Variants in LRRC8D observed in about 807,000 individuals in gnomAD.
LRRC8D encodes the protein volume-regulated anion channel subunit LRRC8D.
LRRC8D carries 20 observed loss-of-function variants against 55.8 expected under a neutral mutation model. The ratio of observed to expected loss-of-function variants is 0.36; its 90% CI spans 0.25 to 0.52. The LOEUF (loss-of-function observed/expected upper bound fraction) is 0.52, where lower values mean the gene tolerates loss of function less well. Among genes scored for constraint, LRRC8D ranks in the 20% least tolerant of loss-of-function variants. The probability of loss-of-function intolerance (pLI) is 0.93; values close to 1 mark genes in which losing one functional copy is unlikely to be tolerated. For synonymous variants in LRRC8D, 352 were observed against 377.0 expected (o/e 0.93, Z 0.77); for missense variants, 651 against 1,030.8 (o/e 0.63, Z 5.05).
intron 2 of LRRC8D, among the ~76,000 whole-genome samples, chr1:89,920,350 G>A (rs1192891741): frequency 2.6e-5 from 4 of 152,120 alleles, no homozygotes; most frequent in African/African-American, 4.8e-5. Context: ...CCTTTTAAGT[G>A]TTAAATGGAT....
intron 2 of LRRC8D, among the ~76,000 whole-genome samples, chr1:89,860,190 T>C (rs998854799): frequency 6.6e-6 from 1 of 152,226 alleles, no homozygotes; most frequent in Non-Finnish European, 1.5e-5. Context: ...GGCATGCTTA[T>C]ATCCGAACCA....
At chr1:89,876,732 A>G (rs1364140863) in intron 2 of LRRC8D, among the ~76,000 whole-genome samples, 2 of 152,230 alleles carry the variant, frequency 1.3e-5, no homozygotes, top group African/African-American at 2.4e-5. Flanking sequence ...TGGTTTATGC[A>G]TTGTCTGTGG....
chr1:89,936,438 A>G lies in LRRC8D; in HGVS notation c.*793A>G, dbSNP rs1443261722. The G allele has an allele frequency of 1.3e-5, 2 of 158,678 alleles. No homozygotes were observed. The highest frequency in any genetic ancestry group is 2.9e-5 in the Non-Finnish European group (2 of 68,088). 9.8% of individuals were successfully genotyped at this position (158,678 alleles called of 1,614,324 possible). ...TAAATTTTATTACAACAAAATAAAA[A>G]TTTTAATGACTTATTAACACAACCT... On this transcript the variant is annotated 3_prime_UTR_variant, in exon 3 of 3. Transcript: ENST00000337338.
intron 1 of LRRC8D, among the ~76,000 whole-genome samples, chr1:89,837,171 A>C (rs565079404): frequency 6.6e-6 from 1 of 152,342 alleles, no homozygotes; most frequent in South Asian, 2.1e-4. Flanking sequence ...CTTGAAATCC[A>C]GGATTCTGGT....
At chr1:89,835,258 C>A (rs1660977773) in intron 1 of LRRC8D, among the ~76,000 whole-genome samples, 2 of 152,138 alleles carry the variant, frequency 1.3e-5, no homozygotes, top group Non-Finnish European at 2.9e-5. Flanking sequence ...GGCATTGGGG[C>A]ATTCTAGAGA....
At chr1:89,866,186 A>G (rs1414420286) in intron 2 of LRRC8D, among the ~76,000 whole-genome samples, 1 of 152,100 alleles carries the variant, frequency 6.6e-6, no homozygotes, top group African/African-American at 2.4e-5. Context: ...ACATTCCTTC[A>G]CTGTTTGTCA....
intron 1 of LRRC8D, among the ~76,000 whole-genome samples, chr1:89,824,122 G>C (rs927444480): frequency 6.6e-6 from 1 of 152,162 alleles, no homozygotes; most frequent in Admixed American, 6.5e-5. Context: ...GGACAGGGAT[G>C]ATACATAAGC....
intron 1 of LRRC8D, chr1:89,843,428 G>C (rs1661186923): frequency 2.8e-6 from 1 of 356,294 alleles, no homozygotes; most frequent in African/African-American, 2.1e-5. Flanking sequence ...CCAGCAGGGG[G>C]GGCCCGGGCC....
chr1:89,934,326 C>T lies in LRRC8D; in HGVS notation c.1258C>T (p.Leu420Phe). The T allele has an allele frequency of 6.2e-7, 1 of 1,613,828 alleles. No homozygotes were observed. Among genetic ancestry groups the T allele is most frequent in the Non-Finnish European group, 8.5e-7 (1 of 1,179,810 alleles). ...TGTCAAAAACGATTTTGCGTTCCTT[C>T]TTCACATGGTAGACCAGTATGACCA... is the stretch of plus-strand genomic sequence containing the variant. ...PDVKNDFAFL[L>F]HMVDQYDQLY... is the part of the protein sequence containing the mutation. Residue 420 changes from leucine to phenylalanine, a missense_variant, in exon 3 of 3, where the codon CTT becomes TTT. Around this residue, in one of 5 missense-constraint regions of LRRC8D, gnomAD observed 178 missense variants for 374.9 expected, o/e 0.47. Coordinates refer to ENST00000337338, the MANE Select transcript of LRRC8D (RefSeq NM_001134479.2). The surrounding 1 kb of genome is among the most constrained non-coding windows in gnomAD (Gnocchi z 5.9).
At position 89,843,670 on chromosome 1, in the gene LRRC8D, G is replaced by C; in HGVS notation, c.-115G>C. 2 of 702,388 alleles carry C rather than the reference G, an allele frequency of 2.8e-6. No homozygotes were observed. The highest frequency in any genetic ancestry group is 1.5e-5 in the South Asian group (1 of 67,588). The allele number at this position is 702,388 out of a possible 1,614,324, so 43.5% of individuals were successfully genotyped here. On this transcript the variant is annotated 5_prime_UTR_variant, in exon 2 of 3. Coordinates refer to ENST00000337338, the MANE Select transcript of LRRC8D (RefSeq NM_001134479.2). ...ACGGCTGTCTATAACGTGCTGCCGG[G>C]TCTCAGGATGGAGGAGTGAAGTCTC...
At chr1:89,915,990 A>G (rs1349040256) in intron 2 of LRRC8D, among the ~76,000 whole-genome samples, 1 of 152,238 alleles carries the variant, frequency 6.6e-6, no homozygotes, top group East Asian at 1.9e-4. Context: ...ACAAAAAAAG[A>G]GAGAAAGATA....
intron 1 of LRRC8D, 41 bp from the exon 2 acceptor site, chr1:89,843,597 G>A: frequency 2.9e-6 from 2 of 694,626 alleles, no homozygotes; most frequent in African/African-American, 1.8e-5. Context: ...GCCGACACTT[G>A]GATCTCTCTA....
At chr1:89,835,353 G>A (rs1189407091) in intron 1 of LRRC8D, among the ~76,000 whole-genome samples, 1 of 152,236 alleles carries the variant, frequency 6.6e-6, no homozygotes, top group East Asian at 1.9e-4. Flanking sequence ...ATCAAACTTT[G>A]TGGAAGTTCT....
intron 2 of LRRC8D, among the ~76,000 whole-genome samples, chr1:89,898,263 GA>G (rs1274703561): frequency 1.3e-5 from 2 of 152,178 alleles, no homozygotes; most frequent in Non-Finnish European, 2.9e-5. Context: ...GGAGGATGGT[GA>G]AAAATGGAAA....
chr1:89,884,984 C>A (rs991272830), intron 2 of LRRC8D, among the ~76,000 whole-genome samples: 1 of 152,128 alleles, frequency 6.6e-6, no homozygotes, highest in African/African-American at 2.4e-5. Flanking sequence ...TGACAGCAAC[C>A]TCCCAGACAA....
intron 2 of LRRC8D, 148 bp from the exon 3 acceptor site, chr1:89,932,919 T>G: frequency 1.6e-6 from 1 of 644,558 alleles, no homozygotes; most frequent in Non-Finnish European, 2.6e-6. Context: ...ATATTCCCCT[T>G]TTAGTTTATT....
chr1:89,826,105 T>G (rs1459920374), intron 1 of LRRC8D, among the ~76,000 whole-genome samples: 2 of 152,202 alleles, frequency 1.3e-5, no homozygotes, highest in Non-Finnish European at 2.9e-5. Context: ...TTTTGAATAT[T>G]TGAAATTTCT....
intron 2 of LRRC8D, among the ~76,000 whole-genome samples, chr1:89,892,257 T>C (rs978377841): frequency 6.6e-6 from 1 of 152,226 alleles, no homozygotes; most frequent in African/African-American, 2.4e-5. Flanking sequence ...TACAAGGCTT[T>C]AGGCTGATCC....
chr1:89,841,061 T>G (rs1661119189), intron 1 of LRRC8D, among the ~76,000 whole-genome samples: 1 of 152,174 alleles, frequency 6.6e-6, no homozygotes, highest in Non-Finnish European at 1.5e-5. Flanking sequence ...GGTAGCTGTT[T>G]GGGAAGAAGT....
Sources: gnomAD v4.1 joint callset for allele counts (sites outside exome capture counted in the v4.1 genomes callset) on GRCh38, gnomAD v4.1.1 for gene constraint, gnomAD v4.1.1 regional missense constraint, Gnocchi (gnomAD v3.1) non-coding constraint, MANE v1.5 for transcripts, NCBI Gene and HGNC (gene_info 2026-07-23, HGNC 2026-07-21) for gene names.